FMC1: variants seen among roughly 807,000 people sequenced by gnomAD.
The protein encoded by FMC1 is formation of mitochondrial complex V assembly factor 1.
In FMC1, 6 loss-of-function variants were observed where a neutral mutation model predicts 10.5. The ratio of observed to expected loss-of-function variants is 0.57; its 90% CI spans 0.31 to 1.12. The LOEUF (loss-of-function observed/expected upper bound fraction) is 1.12. FMC1 is among the 50% of genes most tolerant of loss of function. The probability of loss-of-function intolerance (pLI) is 0.05; values close to 1 mark genes in which losing one functional copy is unlikely to be tolerated. For synonymous variants in FMC1, 59 were observed against 62.1 expected, an observed-to-expected ratio of 0.95 and a Z score of 0.24; for missense variants, 146 against 151.7, an observed-to-expected ratio of 0.96 and a Z score of 0.20.
intron 1 of FMC1, 130 bp from the exon 2 acceptor site, chr7:139,345,371 A>G (rs1799221544): frequency 7.4e-7 from 1 of 1,358,178 alleles, no homozygotes; most frequent in South Asian, 1.4e-5. Context: ...GTATACATGT[A>G]TATACATACA....
At chr7:139,340,655 G>C (rs974444857), upstream of FMC1, 7 of 396,144 alleles carry the variant, frequency 1.8e-5, no homozygotes. Context: ...ACGTACCAAA[G>C]AGGAAAATAG....
At position 139,346,241 on chromosome 7, in the gene FMC1, CAAAAAAA is replaced by C. The variant is rs564493279; in HGVS notation, c.*547_*553del. 2.4e-5 allele frequency: 3 copies of C among 124,048 alleles called. No homozygotes were observed. Among genetic ancestry groups the C allele is most frequent in the African/African-American group, 8.2e-5 (3 of 36,410 alleles). The allele number at this position is 124,048 out of a possible 1,614,324, so 7.7% of individuals were successfully genotyped here. A position where few individuals can be genotyped will look rare whatever the true frequency, so the allele number is the denominator to read the frequency against. On this transcript the variant is annotated 3_prime_UTR_variant, in exon 2 of 2. Transcript: ENST00000297534. ...GGGCAACAAGAGCAAAACTCTGTCT[CAAAAAAA>C]AAAAAAAAATTAGTATAAGCCTTTT...
Position 139,344,022 on chromosome 7 carries a change from T to G in FMC1, c.139-1479T>G, listed in dbSNP as rs550802624. Among the ~76,000 whole-genome samples, 102 of 151,024 alleles carry G rather than the reference T, an allele frequency of 6.8e-4. No homozygotes were observed. In the South Asian group the frequency reaches 0.019, roughly 28 times the overall value. On this transcript the variant is annotated intron_variant, in intron 1 of 1. Transcript: ENST00000297534. The stretch of plus-strand genomic sequence containing the variant: ...ATTTGGACATGGCTCCTTTAGTCCC[T>G]CAGAGCTATGCACACATCCCCATCT...
At chr7:139,340,690 G>C (rs1020140382), upstream of FMC1, 2 of 392,850 alleles carry the variant, frequency 5.1e-6, no homozygotes, top group Non-Finnish European at 4.5e-6. Flanking sequence ...TGAGCGCGTC[G>C]TTTGCAGAAG....
In FMC1 at chr7:139,345,680, T is replaced by G. The variant is rs1261381082; in HGVS notation, c.318T>G (p.Pro106=). The G allele has an allele frequency of 2.5e-6, 4 of 1,614,174 alleles. No individual in the cohort carries two copies. Among genetic ancestry groups the G allele is most frequent in the Non-Finnish European group, 2.5e-6 (3 of 1,180,026 alleles). ...GLVGLKLPHQ[P]GGKGWEP ...TGGGTCTCAAGTTGCCCCATCAGCC[T>G]GGAGGGAAGGGCTGGGAGCCATGAA... Residue 106 remains proline, a synonymous_variant, in exon 2 of 2, where the codon CCT becomes CCG. Transcript: ENST00000297534.
At chr7:139,341,277 G>GGGGAGTC, upstream of FMC1, 1 of 1,490,562 alleles carries the variant, frequency 6.7e-7, no homozygotes, top group Non-Finnish European at 8.9e-7. Context: ...CAGTCGATAG[G>GGGGAGTC]GGGAGTCGGT....
Position 139,345,875 on chromosome 7 carries a change from G to A in FMC1, c.*171G>A. ...CATCTTTACTCTCAGTGAATTTACTGAACTTTTTGCACTAGACTGATGTTG... is the reference window on the plus strand; with the variant it reads ...CATCTTTACTCTCAGTGAATTTACTAAACTTTTTGCACTAGACTGATGTTG... On this transcript the variant is annotated 3_prime_UTR_variant, in exon 2 of 2. Transcript: ENST00000297534. 1 of 756,098 alleles carries A rather than the reference G, an allele frequency of 1.3e-6. No homozygotes were observed. Among genetic ancestry groups the A allele is most frequent in the Non-Finnish European group, 1.9e-6 (1 of 513,734 alleles). The allele number at this position is 756,098 out of a possible 1,614,324, so 46.8% of individuals were successfully genotyped here.
chr7:139,343,131 G>A (rs978154789), intron 1 of FMC1, among the ~76,000 whole-genome samples: 1 of 152,104 alleles, frequency 6.6e-6, no homozygotes, highest in Admixed American at 6.5e-5. Context: ...AGGCTCAACC[G>A]AATCAAGAGC....
intron 1 of FMC1, among the ~76,000 whole-genome samples, chr7:139,341,833 GAATGGAGGATTC>G (rs1380226503): frequency 1.3e-5 from 2 of 152,234 alleles, no homozygotes; most frequent in Non-Finnish European, 2.9e-5. Flanking sequence ...CAGGAAAGTG[GAATGGAGGATTC>G]AATGCTGGGG....
Position 139,341,347 on chromosome 7 carries a change from G to T in FMC1, c.-38G>T. On this transcript the variant is annotated 5_prime_UTR_variant, in exon 1 of 2. Coordinates refer to ENST00000297534, the MANE Select transcript of FMC1 (RefSeq NM_197964.5). ...GGAGGAGGGGTTTTCAGGGTCGTAG[G>T]ACGCCGTTGGGCACCACGCTCGGAG... The T allele has an allele frequency of 6.3e-7, 1 of 1,587,712 alleles. No homozygotes were observed. The highest frequency in any genetic ancestry group is 1.1e-5 in the South Asian group (1 of 90,200).
intron 1 of FMC1, among the ~76,000 whole-genome samples, chr7:139,344,504 C>A (rs991153209): frequency 2.0e-5 from 3 of 151,830 alleles, no homozygotes; most frequent in Non-Finnish European, 2.9e-5. Flanking sequence ...ACATGATAAT[C>A]CTTTTATTTT....
At position 139,345,543 on chromosome 7, in the gene FMC1, T is replaced by A. The variant is rs773649709; in HGVS notation, c.181T>A (p.Phe61Ile). 45 of 1,614,096 alleles carry A rather than the reference T, an allele frequency of 2.8e-5. No individual in the cohort carries two copies. The highest frequency in any genetic ancestry group is 3.6e-5 in the Non-Finnish European group (42 of 1,180,052). The change falls in exon 2 of 2, where the codon TTC (phenylalanine) becomes ATC (isoleucine). Residue 61 changes from phenylalanine (F) to isoleucine (I), a missense_variant. Transcript: ENST00000297534. ...GTGCAGAGCCCAACATGAGCTTCATTTCCAAGCTGCCACCTATCTCTGCCT... is the reference window on the plus strand; with the variant it reads ...GTGCAGAGCCCAACATGAGCTTCATATCCAAGCTGCCACCTATCTCTGCCT... Reference protein sequence around the residue: ...KLCRAQHELHFQAATYLCLLR... With the variant: ...KLCRAQHELHIQAATYLCLLR...
chr7:139,341,555 C>G lies in FMC1; in HGVS notation c.138+33C>G, dbSNP rs1563246341. 3.1e-6 allele frequency: 5 copies of G among 1,600,170 alleles called. No homozygotes were observed. The Admixed American group carries it at 6.7e-5, about 21-fold the overall frequency. On this transcript the variant is annotated intron_variant, in intron 1 of 1. Transcript: ENST00000297534. ...AGCCATGTCCCGGGTGCTCTACGTG[C>G]TGGGGAGGGAGGAAGAGCCGGGTCT...
At chr7:139,345,370 T>C in intron 1 of FMC1, 131 bp from the exon 2 acceptor site, 3 of 1,351,290 alleles carry the variant, frequency 2.2e-6, no homozygotes, top group Non-Finnish European at 3.0e-6. Context: ...AGTATACATG[T>C]ATATACATAC....
upstream of FMC1, chr7:139,340,693 T>A: frequency 2.5e-6 from 1 of 392,892 alleles, no homozygotes; most frequent in Non-Finnish European, 4.5e-6. Context: ...GCGCGTCGTT[T>A]GCAGAAGCCC....
chr7:139,341,201 C>T, upstream of FMC1: 1 of 1,076,656 alleles, frequency 9.3e-7, no homozygotes. Flanking sequence ...GATTTTGTTA[C>T]GGCGCCCCTG....
At chr7:139,341,555 CT>C (rs776807965) in intron 1 of FMC1, 33 bp downstream of exon 1, 1 of 1,600,288 alleles carries the variant, frequency 6.2e-7, no homozygotes, top group Non-Finnish European at 8.5e-7. Context: ...GCTCTACGTG[CT>C]GGGGAGGGAG....
intron 1 of FMC1, among the ~76,000 whole-genome samples, chr7:139,344,186 C>G (rs917187041): frequency 1.3e-5 from 2 of 152,192 alleles, no homozygotes; most frequent in African/African-American, 4.8e-5. Flanking sequence ...GAATTTCTAG[C>G]TTCTTAAAGT....
At chr7:139,343,946 A>AAG (rs1491018096) in intron 1 of FMC1, among the ~76,000 whole-genome samples, 4 of 150,566 alleles carry the variant, frequency 2.7e-5, no homozygotes, top group African/African-American at 9.8e-5. Flanking sequence ...AAAAAAAAAA[A>AAG]GAGTTGGTGG....
Sources: allele counts gnomAD v4.1 joint callset (sites outside exome capture counted in the v4.1 genomes callset), GRCh38; gene constraint gnomAD v4.1.1; transcripts MANE v1.5; gene names NCBI Gene and HGNC (gene_info 2026-07-23, HGNC 2026-07-21).